The following NRIP2 variants were observed in gnomAD, a reference collection of about 807,000 sequenced individuals.
NRIP2 encodes nuclear receptor interacting protein 2, also known as nuclear receptor-interacting protein 2.
NRIP2 carries 27 observed loss-of-function variants against 34.1 expected under a neutral mutation model. The observed-to-expected ratio is 0.79, with a 90% CI of 0.58 to 1.09. The LOEUF (loss-of-function observed/expected upper bound fraction) is 1.09, where lower values mean the gene tolerates loss of function less well. NRIP2 is among the 50% of genes least tolerant of loss of function. NRIP2 has a pLI of 0.00. For synonymous variants in NRIP2, 145 were observed against 146.9 expected (o/e 0.99, Z 0.09); for missense variants, 385 against 352.6 (o/e 1.09, Z -0.74).
rs1050485752 is a variant in NRIP2 at position 2,830,482 on chromosome 12, A to G, written c.495+226T>C. The stretch of plus-strand genomic sequence containing the variant: ...TAATTTAAGTATTGTATTTTGACCA[A>G]GGAAGGGGGGCAGAGTAATGGTGGT... On this transcript the variant is annotated intron_variant, in intron 2 of 5. Coordinates refer to ENST00000337508, the MANE Select transcript of NRIP2 (RefSeq NM_031474.3). 1.2e-5 allele frequency: 6 copies of G among 485,772 alleles called. No homozygotes were observed. The Admixed American group carries it at 1.9e-4, about 16-fold the overall frequency. The allele number at this position is 485,772 out of a possible 1,614,324, so 30.1% of individuals were successfully genotyped here. A position where few individuals can be genotyped will look rare whatever the true frequency, so the allele number is the denominator to read the frequency against.
intron 1 of NRIP2, among the ~76,000 whole-genome samples, chr12:2,831,574 ACT>A (rs936290148): frequency 1.2e-4 from 18 of 150,396 alleles, no homozygotes; most frequent in African/African-American, 3.7e-4. Flanking sequence ...ACAGAGCAAG[ACT>A]CTGTCTCAAA....
chr12:2,834,588 G>A, intron 1 of NRIP2, 54 bp downstream of exon 1: 2 of 1,524,250 alleles, frequency 1.3e-6, no homozygotes, highest in Non-Finnish European at 1.8e-6. Flanking sequence ...TCAGGATCTG[G>A]GAAGTGGAAG....
chr12:2,830,834 G>A lies in NRIP2; in HGVS notation c.369C>T (p.Arg123=), dbSNP rs201753948. 1.1e-5 allele frequency: 17 copies of A among 1,613,654 alleles called. No individual in the cohort carries two copies. The highest frequency in any genetic ancestry group is 1.4e-5 in the Non-Finnish European group (17 of 1,179,846). ...GCCAATTCGGGTTTCCCTCCACCAG[G>A]CGTCTTTGGATCACACTGCGCGGCT... ...DLQPRSVIQR[R]LVEGNPNWLQ... The change falls in exon 2 of 6, where the codon CGC becomes CGT. Residue 123 remains arginine (R), a synonymous_variant. Transcript: ENST00000337508.
rs764014440 is a variant in NRIP2 at position 2,834,867 on chromosome 12, C to T, written c.117G>A (p.Pro39=). Residue 39 remains proline, a synonymous_variant, in exon 1 of 6, where the codon CCG becomes CCA. Coordinates refer to ENST00000337508, the MANE Select transcript of NRIP2 (RefSeq NM_031474.3). The part of the protein sequence containing the change: ...RSREDSVTPP[P]SSPWPTPPAG... ...CTGGAGGAGTGGGCCAGGGGCTGCT[C>T]GGTGGGGGCGTCACCGAGTCCTCTC... 3.4e-5 allele frequency: 55 copies of T among 1,613,666 alleles called. No individual in the cohort carries two copies. The Admixed American group carries it at 5.8e-4, about 17-fold the overall frequency.
rs555346812 is a variant in NRIP2 at position 2,827,741 on chromosome 12, T to C, written c.701-64A>G. 6.2e-7 allele frequency: 1 copy of C among 1,612,140 alleles called. No homozygotes were observed. The highest frequency in any genetic ancestry group is 1.3e-5 in the African/African-American group (1 of 74,992). ...CCCAGTGGTCACTGCTGCCCTCCTCTTAGCCGTTGCTCCTTCTCTGCCCAC... is the reference window on the plus strand; with the variant it reads ...CCCAGTGGTCACTGCTGCCCTCCTCCTAGCCGTTGCTCCTTCTCTGCCCAC... On this transcript the variant is annotated intron_variant, in intron 4 of 5. Coordinates refer to ENST00000337508, the MANE Select transcript of NRIP2 (RefSeq NM_031474.3). The surrounding 1 kb of genome is among the most constrained non-coding windows in gnomAD (Gnocchi z 4.0).
At chr12:2,832,976 C>G (rs1300498856) in intron 1 of NRIP2, among the ~76,000 whole-genome samples, 1 of 151,938 alleles carries the variant, frequency 6.6e-6, no homozygotes, top group Admixed American at 6.6e-5. Flanking sequence ...CACTTCCCAT[C>G]TTCCACCTTC....
chr12:2,833,016 C>T (rs1006790650), intron 1 of NRIP2, among the ~76,000 whole-genome samples: 3 of 151,916 alleles, frequency 2.0e-5, no homozygotes, highest in Admixed American at 6.6e-5. Flanking sequence ...CAGGCCCCTC[C>T]CGCTGTTGTG....
At position 2,830,856 on chromosome 12, in the gene NRIP2, G is replaced by T. The variant is rs1024353851; in HGVS notation, c.347C>A (p.Pro116Gln). Residue 116 changes from proline (P) to glutamine (Q), a missense_variant, in exon 2 of 6, where the codon CCG becomes CAG. Coordinates refer to ENST00000337508, the MANE Select transcript of NRIP2 (RefSeq NM_031474.3). ...CAGGCGTCTTTGGATCACACTGCGCGGCTGCTGGCTCCATCACAAAACAAT... is the reference window on the plus strand; with the variant it reads ...CAGGCGTCTTTGGATCACACTGCGCTGCTGCTGGCTCCATCACAAAACAAT... ...KRLGTSKDLQ[P>Q]RSVIQRRLVE... 3.7e-6 allele frequency: 6 copies of T among 1,611,984 alleles called. No individual in the cohort carries two copies. The African/African-American group carries it at 8.0e-5, about 22-fold the overall frequency.
rs758577071 is a variant in NRIP2, at chr12:2,827,279, G to A, written c.774C>T (p.His258=). The stretch of plus-strand genomic sequence containing the variant: ...ACGGGGCTTTCAGCCGCAGCACTCC[G>A]TGCTCCAGGTCGATGCAGCACTGCG... ...LSLKCCIDLE[H]GVLRLKAPFS... Residue 258 remains histidine (H), a synonymous_variant, in exon 6 of 6, where the codon CAC becomes CAT. Transcript: ENST00000337508. This position sits in a 1 kb window ranked among gnomAD's most constrained non-coding sequence, Gnocchi z 4.0. 1.2e-5 allele frequency: 19 copies of A among 1,613,824 alleles called. No homozygotes were observed. The highest frequency in any genetic ancestry group is 3.3e-4 in the Middle Eastern group (2 of 6,078).
intron 1 of NRIP2, among the ~76,000 whole-genome samples, chr12:2,832,689 C>G (rs1053581577): frequency 5.3e-5 from 8 of 150,598 alleles, no homozygotes; most frequent in Non-Finnish European, 7.4e-5. Context: ...CCCCATTAGC[C>G]TGGAGAGCGC....
At chr12:2,828,743 G>A (rs1271210273) in intron 2 of NRIP2, among the ~76,000 whole-genome samples, 1 of 152,200 alleles carries the variant, frequency 6.6e-6, no homozygotes, top group African/African-American at 2.4e-5. Context: ...TCGGGAGGCT[G>A]AGGCAGGAGA....
At chr12:2,828,224 T>G in intron 3 of NRIP2, 108 bp downstream of exon 3, 2 of 1,200,176 alleles carry the variant, frequency 1.7e-6, no homozygotes, top group Non-Finnish European at 2.4e-6. Flanking sequence ...AATAACAGCT[T>G]TATTGAGATA....
In NRIP2 at chr12:2,827,743, A is replaced by G. The variant is rs2097975886; in HGVS notation, c.701-66T>C. 1 of 1,612,014 alleles carries G rather than the reference A, an allele frequency of 6.2e-7. No homozygotes were observed. The highest frequency in any genetic ancestry group is 8.5e-7 in the Non-Finnish European group (1 of 1,179,528). On this transcript the variant is annotated intron_variant, in intron 4 of 5. Transcript: ENST00000337508. This position sits in a 1 kb window ranked among gnomAD's most constrained non-coding sequence, Gnocchi z 4.0. ...CAGTGGTCACTGCTGCCCTCCTCTT[A>G]GCCGTTGCTCCTTCTCTGCCCACCC...
Position 2,827,847 on chromosome 12 carries a change from G to GT in NRIP2, c.700+78dup. 6.2e-7 allele frequency: 1 copy of GT among 1,608,694 alleles called. No homozygotes were observed. Among genetic ancestry groups the GT allele is most frequent in the Non-Finnish European group, 8.5e-7 (1 of 1,178,250 alleles). ...CTGGGAACTCCTCGTGCTGCAGGGA[G>GT]TGAAAGTCTCAGCCTTTGCCCCACC... On this transcript the variant is annotated intron_variant, in intron 4 of 5. Transcript: ENST00000337508. The surrounding 1 kb of genome is among the most constrained non-coding windows in gnomAD (Gnocchi z 4.0).
chr12:2,831,593 A>G (rs1371867408), intron 1 of NRIP2, among the ~76,000 whole-genome samples: 1 of 151,854 alleles, frequency 6.6e-6, no homozygotes, highest in African/African-American at 2.4e-5. Flanking sequence ...CAAAAAAAAA[A>G]ACCAAACAAA....
At chr12:2,831,027 C>G (rs2098000025) in intron 1 of NRIP2, 167 bp from the exon 2 acceptor site, 4 of 576,364 alleles carry the variant, frequency 6.9e-6, no homozygotes, top group Middle Eastern at 9.2e-4. Flanking sequence ...AGAGTAAGCC[C>G]CAGTATCAAA....
chr12:2,830,749 T>C lies in NRIP2; in HGVS notation c.454A>G (p.Thr152Ala), dbSNP rs755400142. The C allele has an allele frequency of 4.3e-6, 7 of 1,613,694 alleles. No individual in the cohort carries two copies. Among genetic ancestry groups the C allele is most frequent in the Non-Finnish European group, 5.9e-6 (7 of 1,179,904 alleles). Reference sequence around the variant, plus strand: ...AGAGCTGGAATCTCTGTCCTGCTGGTCTTCCTCCTGCTCTCCTGGCCATGA... The same window carrying C: ...AGAGCTGGAATCTCTGTCCTGCTGGCCTTCCTCCTGCTCTCCTGGCCATGA... ...LIHGQESRRK[T>A]SRTEIPALLV... is the part of the protein sequence containing the mutation. The change falls in exon 2 of 6, where the codon ACC (threonine) becomes GCC (alanine). Residue 152 changes from threonine (T) to alanine (A), a missense_variant. By Grantham distance (58) the Thr-to-Ala change is moderately conservative (BLOSUM62 0). Coordinates refer to ENST00000337508, the MANE Select transcript of NRIP2 (RefSeq NM_031474.3).
At chr12:2,828,256 A>T in intron 3 of NRIP2, 76 bp downstream of exon 3, 1 of 1,324,684 alleles carries the variant, frequency 7.5e-7, no homozygotes, top group Non-Finnish European at 1.1e-6. Flanking sequence ...TGTCGTCACT[A>T]TCTAATTTGA....
At chr12:2,833,759 T>A (rs1435049533) in intron 1 of NRIP2, among the ~76,000 whole-genome samples, 1 of 152,206 alleles carries the variant, frequency 6.6e-6, no homozygotes. Context: ...AGATAGTGCC[T>A]GCTATTAGGC....
Sources: allele counts gnomAD v4.1 joint callset (sites outside exome capture counted in the v4.1 genomes callset), GRCh38; gene constraint gnomAD v4.1.1; non-coding constraint Gnocchi (gnomAD v3.1); transcripts MANE v1.5; gene names NCBI Gene and HGNC (gene_info 2026-07-23, HGNC 2026-07-21).